XPNPEP1: variants seen among roughly 807,000 people sequenced by gnomAD.
The protein encoded by XPNPEP1 is X-prolyl aminopeptidase 1, also known as xaa-Pro aminopeptidase 1.
Under a neutral mutation model 92.4 loss-of-function variants are expected in XPNPEP1, and 39 were observed. The observed-to-expected ratio is 0.42, with a 90% CI of 0.33 to 0.55. The LOEUF is 0.55. Ranked by LOEUF, XPNPEP1 falls within the 20% of genes least tolerant of loss-of-function variation. The pLI, the probability that XPNPEP1 is intolerant of heterozygous loss-of-function variation, is 0.08. For missense variants in XPNPEP1, 654 were observed against 856.1 expected, an observed-to-expected ratio of 0.76 and a Z score of 2.95; for synonymous variants, 307 against 299.4, an observed-to-expected ratio of 1.03 and a Z score of -0.26.
rs1262437396 is a variant in XPNPEP1 at position 109,882,575 on chromosome 10, G to C, written c.898C>G (p.Leu300Val). 2 of 1,614,068 alleles carry C rather than the reference G, an allele frequency of 1.2e-6. No homozygotes were observed. The highest frequency in any genetic ancestry group is 2.7e-5 in the African/African-American group (2 of 74,918). The change falls in exon 10 of 21, where the codon CTG (leucine) becomes GTG (valine). Residue 300 changes from leucine (L) to valine (V), a missense_variant. Physicochemically the swap from Leu to Val is conservative, Grantham distance 32 (BLOSUM62 1). Transcript: ENST00000502935. ...ACCTGGATCCTGTATTCGGCTTCCA[G>C]ACCCAAGTCAAGAAGCAGGTGCTCC... ...VKEHLLLDLG[L>V]EAEYRIQVHP...
intron 9 of XPNPEP1, 171 bp downstream of exon 9, chr10:109,883,892 TATAA>T (rs1848244684): frequency 3.4e-6 from 2 of 593,396 alleles, no homozygotes; most frequent in African/African-American, 3.8e-5. Flanking sequence ...AGAGGCAGGA[TATAA>T]ATAAACACCT....
rs190416719 is a variant in XPNPEP1, at chr10:109,900,422, C to T, written c.246+7269G>A. Among the ~76,000 whole-genome samples, 668 of 152,252 alleles carry T rather than the reference C, an allele frequency of 4.4e-3. 3 individuals carry two copies. The highest frequency in any genetic ancestry group is 6.8e-3 in the Middle Eastern group (2 of 294). ...TGTTCTCACAATCACAGCAAGGATCCAGAGTCCCACTTAACAGAGTCGCCC... is the reference window on the plus strand; with the variant it reads ...TGTTCTCACAATCACAGCAAGGATCTAGAGTCCCACTTAACAGAGTCGCCC... On this transcript the variant is annotated intron_variant, in intron 3 of 20. Transcript: ENST00000502935.
In XPNPEP1 at chr10:109,868,584, C is replaced by A. The variant is rs924503052; in HGVS notation, c.1872+30G>T. ...AGGTAGTCTCCACCTCCCCTAGTAACATGCCTGCCCACCAAGACTTCCCCA... is the reference window on the plus strand; with the variant it reads ...AGGTAGTCTCCACCTCCCCTAGTAAAATGCCTGCCCACCAAGACTTCCCCA... On this transcript the variant is annotated intron_variant, in intron 20 of 20. Coordinates refer to ENST00000502935, the MANE Select transcript of XPNPEP1 (RefSeq NM_020383.4). 1.9e-6 allele frequency: 3 copies of A among 1,568,140 alleles called. No individual in the cohort carries two copies. In the African/African-American group the frequency reaches 4.1e-5, roughly 21 times the overall value.
intron 10 of XPNPEP1, 32 bp downstream of exon 10, chr10:109,882,398 CAG>C: frequency 6.3e-7 from 1 of 1,596,314 alleles, no homozygotes; most frequent in African/African-American, 1.3e-5. Flanking sequence ...AAGGGGGTGG[CAG>C]AGTTTAGATG....
At position 109,908,737 on chromosome 10, in the gene XPNPEP1, TG is replaced by T. The variant is rs1211691997; in HGVS notation, c.122-923del. On this transcript the variant is annotated intron_variant, in intron 2 of 20. Transcript: ENST00000502935. ...CCCAAGTGTTAAGAGTGGTTACCTT[TG>T]GGTAAGTAAATTTGGAGTAATTATT... is the stretch of plus-strand genomic sequence containing the variant. Among the ~76,000 whole-genome samples the T allele has an allele frequency of 2.0e-5, 3 of 152,258 alleles. 1 individual carries two copies. The highest frequency in any genetic ancestry group is 4.4e-5 in the Non-Finnish European group (3 of 68,046).
intron 5 of XPNPEP1, among the ~76,000 whole-genome samples, chr10:109,889,933 C>T (rs1304899631): frequency 6.6e-6 from 1 of 151,948 alleles, no homozygotes; most frequent in Non-Finnish European, 1.5e-5. Flanking sequence ...TATTTTTTTT[C>T]AAACCACTAA....
rs768437035 is a variant in XPNPEP1 at position 109,891,838 on chromosome 10, G to C, written c.311-12C>G. ...GATGATGGCTGTGCCTGAAGCAGGG[G>C]AGAAAAAAAAAAGAAGAAGAAAGGT... On this transcript the variant is annotated splice_polypyrimidine_tract_variant and intron_variant, in intron 4 of 20. Coordinates refer to ENST00000502935, the MANE Select transcript of XPNPEP1 (RefSeq NM_020383.4). 1.9e-6 allele frequency: 3 copies of C among 1,606,216 alleles called. No homozygotes were observed. The highest frequency in any genetic ancestry group is 3.4e-5 in the Admixed American group (2 of 58,374).
At chr10:109,907,397 C>A (rs561382727) in intron 3 of XPNPEP1, among the ~76,000 whole-genome samples, 1 of 152,358 alleles carries the variant, frequency 6.6e-6, no homozygotes, top group Admixed American at 6.5e-5. Context: ...CTGCTAGGAA[C>A]ACAGTGTGGC....
In XPNPEP1 at chr10:109,865,065, T is replaced by C; in HGVS notation, c.*119A>G. The C allele has an allele frequency of 2.1e-6, 3 of 1,406,100 alleles. No individual in the cohort carries two copies. The highest frequency in any genetic ancestry group is 2.6e-5 in the South Asian group (2 of 77,006). The allele number at this position is 1,406,100 out of a possible 1,614,324, so 87.1% of individuals were successfully genotyped here. A position where few individuals can be genotyped will look rare whatever the true frequency, so the allele number is the denominator to read the frequency against. On this transcript the variant is annotated 3_prime_UTR_variant, in exon 21 of 21. Coordinates refer to ENST00000502935, the MANE Select transcript of XPNPEP1 (RefSeq NM_020383.4). The stretch of plus-strand genomic sequence containing the variant: ...AGAAGATTTTCTGTTCTTCTTAAAG[T>C]CTAAAGTAAAAAGGGGAGGTAGGGA...
chr10:109,875,254 A>C (rs919588299), intron 15 of XPNPEP1, among the ~76,000 whole-genome samples: 6 of 152,192 alleles, frequency 3.9e-5, no homozygotes, highest in African/African-American at 1.4e-4. Flanking sequence ...CGGTTCCAAA[A>C]GCTTGCTTTA....
intron 1 of XPNPEP1, among the ~76,000 whole-genome samples, chr10:109,916,723 T>C (rs1436804960): frequency 6.6e-6 from 1 of 152,070 alleles, no homozygotes; most frequent in African/African-American, 2.4e-5. Flanking sequence ...TAAATACAAA[T>C]ATCCTCAACA....
intron 8 of XPNPEP1, 56 bp downstream of exon 8, chr10:109,886,190 G>C: frequency 6.4e-7 from 1 of 1,567,970 alleles, no homozygotes; most frequent in South Asian, 1.1e-5. Flanking sequence ...CAGATACCCA[G>C]AGACCCAAAG....
chr10:109,876,861 C>A (rs1847812861), intron 14 of XPNPEP1: 1 of 152,292 alleles, frequency 6.6e-6, no homozygotes, highest in Non-Finnish European at 1.5e-5. Flanking sequence ...TGACATTTCC[C>A]CCCATCTCCA....
chr10:109,881,984 T>C (rs1332776149), intron 10 of XPNPEP1, among the ~76,000 whole-genome samples: 12 of 152,210 alleles, frequency 7.9e-5, no homozygotes, highest in Non-Finnish European at 1.6e-4. Context: ...TTTCCCAAGC[T>C]TCAAGCATTC....
At chr10:109,870,985 GA>G (rs1847435307) in intron 17 of XPNPEP1, 81 bp from the exon 18 acceptor site, 2 of 1,478,072 alleles carry the variant, frequency 1.4e-6, no homozygotes, top group African/African-American at 1.4e-5. Flanking sequence ...TCCAGAACGT[GA>G]AACAGAAACC....
intron 2 of XPNPEP1, among the ~76,000 whole-genome samples, chr10:109,914,085 TA>T (rs11311514): frequency 0.55 from 80,702 of 145,548 alleles, 23,741 homozygotes; most frequent in East Asian, 0.76. Flanking sequence ...TTCAGTCAGC[TA>T]AAAAAAAAAA....
At chr10:109,884,000 C>T in intron 9 of XPNPEP1, 67 bp downstream of exon 9, 2 of 1,450,734 alleles carry the variant, frequency 1.4e-6, no homozygotes, top group Non-Finnish European at 9.4e-7. Context: ...GGGCCAGGAC[C>T]AGAAAGGGCA....
chr10:109,893,468 C>A, intron 3 of XPNPEP1: 1 of 167,394 alleles, frequency 6.0e-6, no homozygotes, highest in Non-Finnish European at 1.3e-5. Context: ...CTGTGTTAAG[C>A]ACCAACAATT....
At chr10:109,917,689 A>G (rs1019984742) in intron 1 of XPNPEP1, among the ~76,000 whole-genome samples, 2 of 152,238 alleles carry the variant, frequency 1.3e-5, no homozygotes, top group Non-Finnish European at 2.9e-5. Context: ...GAAAAAGAAC[A>G]AAATCTTGAA....
Sources: allele counts gnomAD v4.1 joint callset (sites outside exome capture counted in the v4.1 genomes callset), GRCh38; gene constraint gnomAD v4.1.1; transcripts MANE v1.5; gene names NCBI Gene and HGNC (gene_info 2026-07-23, HGNC 2026-07-21).